Variants in MTUS2 observed in about 807,000 individuals in gnomAD.
The protein encoded by MTUS2 is microtubule associated scaffold protein 2.
A neutral mutation model predicts 114.1 loss-of-function variants in MTUS2; 40 were observed. That is an observed-to-expected ratio of 0.35 (90% CI 0.27 to 0.46). The LOEUF (loss-of-function observed/expected upper bound fraction) is 0.46, where lower values mean the gene tolerates loss of function less well. Among genes scored for constraint, MTUS2 ranks in the 20% least tolerant of loss-of-function variants. MTUS2 has a pLI of 1.00. For missense variants in MTUS2, 1,679 were observed against 1,705.4 expected, an observed-to-expected ratio of 0.98 and a Z score of 0.27; for synonymous variants, 688 against 672.0, an observed-to-expected ratio of 1.02 and a Z score of -0.37.
chr13:29,342,976 T>C (rs1451614612), intron 7 of MTUS2, among the ~76,000 whole-genome samples: 1 of 152,182 alleles, frequency 6.6e-6, no homozygotes, highest in African/African-American at 2.4e-5. Context: ...GACTTGCATA[T>C]GTTCAACCAT....
intron 2 of MTUS2, among the ~76,000 whole-genome samples, chr13:28,915,935 G>T (rs767777180): frequency 1.3e-4 from 19 of 151,816 alleles, no homozygotes; most frequent in Admixed American, 3.3e-4. Flanking sequence ...TGAGGTCTTA[G>T]ATTTCTAAGT....
At chr13:29,254,281 G>A (rs1181298594) in intron 5 of MTUS2, among the ~76,000 whole-genome samples, 1 of 152,222 alleles carries the variant, frequency 6.6e-6, no homozygotes, top group East Asian at 1.9e-4. Flanking sequence ...TCTTTTTAAT[G>A]AGATGTATGA....
intron 8 of MTUS2, among the ~76,000 whole-genome samples, chr13:29,360,688 A>AAACCC (rs1870153205): frequency 1.1e-5 from 1 of 87,156 alleles, no homozygotes. Flanking sequence ...GTAGCCGAAC[A>AAACCC]CCCCCCCCCC....
Position 29,479,020 on chromosome 13 carries a change from C to G in MTUS2, c.3185-1130C>G, listed in dbSNP as rs1177955326. 2.6e-5 allele frequency among the ~76,000 whole-genome samples: 4 copies of G among 152,196 alleles called. No individual in the cohort carries two copies. In the South Asian group the frequency reaches 8.3e-4, roughly 32 times the overall value. On this transcript the variant is annotated intron_variant, in intron 9 of 15. Transcript: ENST00000612955. The stretch of plus-strand genomic sequence containing the variant: ...AAAGAAGCCCTTTAATTAGCTGCCT[C>G]TATAGCGTGGGACTTCTGATTAGGG...
chr13:29,365,872 A>G lies in MTUS2; in HGVS notation c.3117+6399A>G, dbSNP rs532870199. 2.6e-5 allele frequency among the ~76,000 whole-genome samples: 4 copies of G among 152,284 alleles called. No individual in the cohort carries two copies. The South Asian group carries it at 6.2e-4, about 24-fold the overall frequency. On this transcript the variant is annotated intron_variant, in intron 8 of 15. Coordinates refer to ENST00000612955, the MANE Select transcript of MTUS2 (RefSeq NM_001033602.4). ...AATAAATGCTGTAAACTCCCCTCCA[A>G]CTAAACACAAGTCAAAGGAAAGACA...
At chr13:29,429,985 A>G (rs1054180889) in intron 8 of MTUS2, among the ~76,000 whole-genome samples, 6 of 152,244 alleles carry the variant, frequency 3.9e-5, no homozygotes, top group African/African-American at 1.4e-4. Flanking sequence ...AGAAATAACT[A>G]CTTCAGTGGA....
chr13:29,131,296 A>G (rs1593509951), intron 5 of MTUS2, among the ~76,000 whole-genome samples: 1 of 152,220 alleles, frequency 6.6e-6, no homozygotes, highest in Non-Finnish European at 1.5e-5. Flanking sequence ...GGTTTTGGAG[A>G]TTGACAGAAC....
rs751020009 is a variant in MTUS2 at position 29,071,409 on chromosome 13, A to ATTTTTTTT, written c.2447-29337_2447-29330dup. Among the ~76,000 whole-genome samples, 155 of 46,138 alleles carry ATTTTTTTT rather than the reference A, an allele frequency of 3.4e-3. 24 individuals are homozygous for ATTTTTTTT. The highest frequency in any genetic ancestry group is 4.7e-3 in the South Asian group (4 of 852). 30.3% of individuals were successfully genotyped at this position (46,138 alleles called of 152,430 possible). On this transcript the variant is annotated intron_variant, in intron 4 of 15. Coordinates refer to ENST00000612955, the MANE Select transcript of MTUS2 (RefSeq NM_001033602.4). The stretch of plus-strand genomic sequence containing the variant: ...TTTAAAAGATCTCTATGTTGCTTGA[A>ATTTTTTTT]TTTTTTTTTTTTTTTTTTTTTTTTT...
At chr13:29,071,345 A>T (rs1008620512) in intron 4 of MTUS2, among the ~76,000 whole-genome samples, 1 of 147,540 alleles carries the variant, frequency 6.8e-6, no homozygotes, top group Non-Finnish European at 1.5e-5. Context: ...TATTGTTGCA[A>T]TATCTTCCCA....
intron 2 of MTUS2, among the ~76,000 whole-genome samples, chr13:29,012,128 C>T (rs952378156): frequency 1.3e-5 from 2 of 152,180 alleles, no homozygotes; most frequent in Non-Finnish European, 2.9e-5. Context: ...TCCTGTGCCA[C>T]CTCCATCCAT....
intron 8 of MTUS2, among the ~76,000 whole-genome samples, chr13:29,363,011 G>A (rs1870398702): frequency 6.6e-6 from 1 of 152,218 alleles, no homozygotes; most frequent in African/African-American, 2.4e-5. Context: ...TGCCCCTGCA[G>A]CAAGGTATGT....
rs1390449916 is a variant in MTUS2 at position 29,389,291 on chromosome 13, ATG to A, written c.3117+29824_3117+29825del. ...TATATATGTATATATGTATACACAT[ATG>A]TGTGTATATGTGTATATATGTATAC... On this transcript the variant is annotated intron_variant, in intron 8 of 15. Coordinates refer to ENST00000612955, the MANE Select transcript of MTUS2 (RefSeq NM_001033602.4). Among the ~76,000 whole-genome samples the A allele has an allele frequency of 2.0e-3, 180 of 89,910 alleles. 1 individual carries two copies. The highest frequency in any genetic ancestry group is 3.8e-3 in the Non-Finnish European group (152 of 40,280). The allele number at this position is 89,910 out of a possible 152,430, so 59.0% of individuals were successfully genotyped here.
At chr13:29,387,668 G>A (rs1593382728) in intron 8 of MTUS2, among the ~76,000 whole-genome samples, 1 of 152,146 alleles carries the variant, frequency 6.6e-6, no homozygotes, top group Admixed American at 6.5e-5. Flanking sequence ...GGAGCGAGGC[G>A]GGTGACGTTA....
At chr13:29,249,566 T>C (rs1025613450) in intron 5 of MTUS2, among the ~76,000 whole-genome samples, 5 of 152,198 alleles carry the variant, frequency 3.3e-5, no homozygotes, top group African/African-American at 1.2e-4. Flanking sequence ...ATCAGTGATG[T>C]TGAGCTTTTT....
intron 8 of MTUS2, among the ~76,000 whole-genome samples, chr13:29,416,077 C>T (rs1593419710): frequency 7.6e-6 from 1 of 132,092 alleles, no homozygotes; most frequent in East Asian, 2.3e-4. Flanking sequence ...CGCCACACCC[C>T]ACTAATTTTT....
At chr13:29,348,326 A>C (rs2138162152) in intron 7 of MTUS2, among the ~76,000 whole-genome samples, 1 of 152,196 alleles carries the variant, frequency 6.6e-6, no homozygotes, top group Non-Finnish European at 1.5e-5. Flanking sequence ...TTAGAACAAA[A>C]GATTCTTCTA....
At chr13:29,291,872 C>A (rs1898731503) in intron 6 of MTUS2, among the ~76,000 whole-genome samples, 1 of 152,198 alleles carries the variant, frequency 6.6e-6, no homozygotes, top group Non-Finnish European at 1.5e-5. Context: ...CCAGGACTTT[C>A]TTTTCTCAGT....
chr13:29,139,313 C>G (rs532152473), intron 5 of MTUS2, among the ~76,000 whole-genome samples: 1 of 152,276 alleles, frequency 6.6e-6, no homozygotes, highest in East Asian at 1.9e-4. Context: ...TCAGAAAGCT[C>G]TTCTTTACAC....
intron 4 of MTUS2, among the ~76,000 whole-genome samples, chr13:29,054,299 T>C (rs925338413): frequency 3.9e-5 from 6 of 152,230 alleles, no homozygotes; most frequent in African/African-American, 1.4e-4. Flanking sequence ...AAGGGATATT[T>C]ATATATTCTA....
Sources: gnomAD v4.1 joint callset for allele counts (sites outside exome capture counted in the v4.1 genomes callset) on GRCh38, gnomAD v4.1.1 for gene constraint, MANE v1.5 for transcripts, NCBI Gene and HGNC (gene_info 2026-07-23, HGNC 2026-07-21) for gene names.